Variants in KRTAP3-2 observed in about 807,000 individuals in gnomAD.
KRTAP3-2 encodes keratin associated protein 3-2, also known as keratin-associated protein 3-2.
In KRTAP3-2, 2 loss-of-function variants were observed where a neutral mutation model predicts 5.4. The observed-to-expected ratio is 0.37, with a 90% CI of 0.15 to 1.17. KRTAP3-2 has a LOEUF of 1.17. KRTAP3-2 is among the 50% of genes most tolerant of loss of function. KRTAP3-2 has a pLI of 0.37. For missense variants in KRTAP3-2, 113 were observed against 122.0 expected, an observed-to-expected ratio of 0.93 and a Z score of 0.35; for synonymous variants, 49 against 48.0, an observed-to-expected ratio of 1.02 and a Z score of -0.08.
In KRTAP3-2 at chr17:40,999,261, A is replaced by G; in HGVS notation, c.*296T>C. On this transcript the variant is annotated 3_prime_UTR_variant, in exon 1 of 1. Coordinates refer to ENST00000391587, the MANE Select transcript of KRTAP3-2 (RefSeq NM_031959.3). ...TTCTTCTATGAAAATACCCAGTACA[A>G]GAAACAAGAGCCAGGAAGCAATATG... The G allele has an allele frequency of 2.6e-6, 1 of 388,006 alleles. No individual in the cohort carries two copies. The allele number at this position is 388,006 out of a possible 1,614,324, so 24.0% of individuals were successfully genotyped here.
chr17:40,999,898 C>T lies in KRTAP3-2; in HGVS notation c.-45G>A, dbSNP rs1161263668. The T allele has an allele frequency of 1.9e-6, 3 of 1,606,610 alleles. No individual in the cohort carries two copies. On this transcript the variant is annotated 5_prime_UTR_variant, in exon 1 of 1. Coordinates refer to ENST00000391587, the MANE Select transcript of KRTAP3-2 (RefSeq NM_031959.3). ...GCTTTCAGTTTCTTAGATGAGGATTCTGAGGTACAAATGTCTCCTCTTTTG... is the reference window on the plus strand; with the variant it reads ...GCTTTCAGTTTCTTAGATGAGGATTTTGAGGTACAAATGTCTCCTCTTTTG...
In KRTAP3-2 at chr17:40,999,418, C is replaced by T; in HGVS notation, c.*139G>A. 1 of 1,270,904 alleles carries T rather than the reference C, an allele frequency of 7.9e-7. No homozygotes were observed. Among genetic ancestry groups the T allele is most frequent in the Non-Finnish European group, 1.1e-6 (1 of 931,230 alleles). The allele number at this position is 1,270,904 out of a possible 1,614,324, so 78.7% of individuals were successfully genotyped here. A position where few individuals can be genotyped will look rare whatever the true frequency, so the allele number is the denominator to read the frequency against. ...AAAAAATACTTTTCTTTTTTTCCCC[C>T]ATTAAAACCAAAGGTAAGTTCTTCA... On this transcript the variant is annotated 3_prime_UTR_variant, in exon 1 of 1. Transcript: ENST00000391587.
At position 40,999,730 on chromosome 17, in the gene KRTAP3-2, AC is replaced by A. The variant is rs747676379; in HGVS notation, c.123del (p.Trp41CysfsTer84). 1.2e-6 allele frequency: 2 copies of A among 1,613,946 alleles called. No individual in the cohort carries two copies. Among genetic ancestry groups the A allele is most frequent in the Non-Finnish European group, 1.7e-6 (2 of 1,180,022 alleles). ...TTGTCACAGCAGATGGGCTCCAGTA[AC>A]CAAACTGTGTGTGGGCAGGTGCTGG... ...CLPSTCPHTVWLLEPICCDNC... is the reference protein window; with the variant it reads ...CLPSTCPHTVXLLEPICCDNC... On this transcript the variant is annotated frameshift_variant, in exon 1 of 1. Coordinates refer to ENST00000391587, the MANE Select transcript of KRTAP3-2 (RefSeq NM_031959.3). LOFTEE classifies it high-confidence loss of function.
At position 40,999,630 on chromosome 17, in the gene KRTAP3-2, G is replaced by A. The variant is rs3813049; in HGVS notation, c.224C>T (p.Pro75Leu). 509 of 1,613,898 alleles carry A rather than the reference G, an allele frequency of 3.2e-4. 7 individuals are homozygous for A. In the East Asian group the frequency reaches 0.01, roughly 33 times the overall value. ...CFLLNSCQPT[P>L]GLETLNLTTF... Reference sequence around the variant, plus strand: ...GGTGAGGTTGAGGGTCTCCAGGCCCGGAGTTGGCTGGCAGGAGTTGAGCAG... The same window carrying A: ...GGTGAGGTTGAGGGTCTCCAGGCCCAGAGTTGGCTGGCAGGAGTTGAGCAG... Residue 75 changes from proline (P) to leucine (L), a missense_variant, in exon 1 of 1, where the codon CCG becomes CTG. By Grantham distance (98) the Pro-to-Leu change is moderately conservative (BLOSUM62 -3). Coordinates refer to ENST00000391587, the MANE Select transcript of KRTAP3-2 (RefSeq NM_031959.3).
chr17:40,999,723 T>C lies in KRTAP3-2; in HGVS notation c.131A>G (p.Glu44Gly), dbSNP rs756540519. The change falls in exon 1 of 1, where the codon GAG (glutamate) becomes GGG (glycine). Residue 44 changes from glutamate to glycine, a missense_variant. Transcript: ENST00000391587. ...STCPHTVWLL[E>G]PICCDNCPPP... ...GGGACAGTTGTCACAGCAGATGGGC[T>C]CCAGTAACCAAACTGTGTGTGGGCA... 32 of 1,613,874 alleles carry C rather than the reference T, an allele frequency of 2.0e-5. No homozygotes were observed. The highest frequency in any genetic ancestry group is 2.7e-5 in the African/African-American group (2 of 74,774).
chr17:40,999,427 C>A lies in KRTAP3-2; in HGVS notation c.*130G>T. The A allele has an allele frequency of 3.7e-6, 5 of 1,340,444 alleles. No individual in the cohort carries two copies. The highest frequency in any genetic ancestry group is 3.2e-5 in the South Asian group (2 of 62,980). 83.0% of individuals were successfully genotyped at this position (1,340,444 alleles called of 1,614,324 possible). On this transcript the variant is annotated 3_prime_UTR_variant, in exon 1 of 1. Transcript: ENST00000391587. ...TTTTCTTTTTTTCCCCCATTAAAACCAAAGGTAAGTTCTTCATATCTGGGT... is the reference window on the plus strand; with the variant it reads ...TTTTCTTTTTTTCCCCCATTAAAACAAAAGGTAAGTTCTTCATATCTGGGT...
chr17:40,999,569 TG>T lies in KRTAP3-2; in HGVS notation c.284del (p.Pro95GlnfsTer30), dbSNP rs1567872985. 4 of 1,613,784 alleles carry T rather than the reference TG, an allele frequency of 2.5e-6. No individual in the cohort carries two copies. The East Asian group carries it at 6.7e-5, about 27-fold the overall frequency. On this transcript the variant is annotated frameshift_variant, in exon 1 of 1. Transcript: ENST00000391587. LOFTEE classifies it high-confidence loss of function. ...AAGTAGCCATCCATCAGCAGCCTCT[TG>T]GGAGGCAGGGCTCACAGCAGGGCTG... ...FTQPCCEPCL[P>X]RGC
Position 40,999,532 on chromosome 17 carries a change from G to A in KRTAP3-2, c.*25C>T, listed in dbSNP as rs553850168. 71 of 1,610,116 alleles carry A rather than the reference G, an allele frequency of 4.4e-5. No homozygotes were observed. The South Asian group carries it at 6.2e-4, about 14-fold the overall frequency. On this transcript the variant is annotated 3_prime_UTR_variant, in exon 1 of 1. Coordinates refer to ENST00000391587, the MANE Select transcript of KRTAP3-2 (RefSeq NM_031959.3). ...GACAGCTTCTGGATTCTTCGTTGTC[G>A]GGCACTGAGCAAAGTAGCCATCCAT...
Position 40,999,763 on chromosome 17 carries a change from A to G in KRTAP3-2, c.91T>C (p.Cys31Arg). The G allele has an allele frequency of 1.2e-6, 2 of 1,614,082 alleles. No homozygotes were observed. The highest frequency in any genetic ancestry group is 1.1e-5 in the South Asian group (1 of 91,068). ...GTGTGTGGGCAGGTGCTGGGCAGGC[A>G]GACTCCACAGCGGCAGGATTTGTCG... Reference protein sequence around the residue: ...SSDKSCRCGVCLPSTCPHTVW... With the variant: ...SSDKSCRCGVRLPSTCPHTVW... The change falls in exon 1 of 1, where the codon TGC becomes CGC. Residue 31 changes from cysteine (C) to arginine (R), a missense_variant. By Grantham distance (180) the Cys-to-Arg change is radical. Coordinates refer to ENST00000391587, the MANE Select transcript of KRTAP3-2 (RefSeq NM_031959.3).
chr17:40,999,447 C>T lies in KRTAP3-2; in HGVS notation c.*110G>A. The T allele has an allele frequency of 6.9e-7, 1 of 1,450,774 alleles. No individual in the cohort carries two copies. The allele number at this position is 1,450,774 out of a possible 1,614,324, so 89.9% of individuals were successfully genotyped here. On this transcript the variant is annotated 3_prime_UTR_variant, in exon 1 of 1. Transcript: ENST00000391587. ...AAAACCAAAGGTAAGTTCTTCATATCTGGGTCATCTGGTCTACCTTAACAT... is the reference window on the plus strand; with the variant it reads ...AAAACCAAAGGTAAGTTCTTCATATTTGGGTCATCTGGTCTACCTTAACAT...
chr17:40,999,200 A>G lies in KRTAP3-2; in HGVS notation c.*357T>C. The G allele has an allele frequency of 4.1e-6, 1 of 241,470 alleles. No homozygotes were observed. Among genetic ancestry groups the G allele is most frequent in the Non-Finnish European group, 7.9e-6 (1 of 126,038 alleles). 15.0% of individuals were successfully genotyped at this position (241,470 alleles called of 1,614,324 possible). ...ATAAACAAATGACACATCTTGCCAG[A>G]GAAATATAGTTTATTGGAAAACCCA... is the stretch of plus-strand genomic sequence containing the variant. On this transcript the variant is annotated 3_prime_UTR_variant, in exon 1 of 1. Transcript: ENST00000391587.
Position 40,999,641 on chromosome 17 carries a change from G to A in KRTAP3-2, c.213C>T (p.Cys71=), listed in dbSNP as rs1452063765. ...GGGTCTCCAGGCCCGGAGTTGGCTG[G>A]CAGGAGTTGAGCAGGAAGCAGGTGG... ...CVPTCFLLNS[C]QPTPGLETLN... is the part of the protein sequence containing the mutation. Residue 71 remains cysteine (C), a synonymous_variant, in exon 1 of 1, where the codon TGC becomes TGT. Transcript: ENST00000391587. 3 of 1,613,880 alleles carry A rather than the reference G, an allele frequency of 1.9e-6. No individual in the cohort carries two copies. In the African/African-American group the frequency reaches 4.0e-5, roughly 22 times the overall value.
chr17:40,999,396 A>G lies in KRTAP3-2; in HGVS notation c.*161T>C. The G allele has an allele frequency of 1.8e-6, 2 of 1,130,568 alleles. No homozygotes were observed. Among genetic ancestry groups the G allele is most frequent in the East Asian group, 2.6e-5 (1 of 38,784 alleles). The allele number at this position is 1,130,568 out of a possible 1,614,324, so 70.0% of individuals were successfully genotyped here. A position where few individuals can be genotyped will look rare whatever the true frequency, so the allele number is the denominator to read the frequency against. ...GGTTTTTCAGCTAAATAACCATAAA[A>G]AATACTTTTCTTTTTTTCCCCCATT... On this transcript the variant is annotated 3_prime_UTR_variant, in exon 1 of 1. Coordinates refer to ENST00000391587, the MANE Select transcript of KRTAP3-2 (RefSeq NM_031959.3).
In KRTAP3-2 at chr17:40,999,334, C is replaced by T. The variant is rs575606166; in HGVS notation, c.*223G>A. The T allele has an allele frequency of 9.7e-6, 6 of 619,200 alleles. No individual in the cohort carries two copies. Among genetic ancestry groups the T allele is most frequent in the South Asian group, 5.0e-5 (2 of 40,002 alleles). 38.4% of individuals were successfully genotyped at this position (619,200 alleles called of 1,614,324 possible). ...TCTTAAAGATTGAAACAGTATTTTG[C>T]TAATAAAACTCATTCACCTGCCCAC... On this transcript the variant is annotated 3_prime_UTR_variant, in exon 1 of 1. Transcript: ENST00000391587.
rs746395422 is a variant in KRTAP3-2 at position 40,999,685 on chromosome 17, T to C, written c.169A>G (p.Ile57Val). ...CAGGTGGGCACGCAGGGCTGAGGAA[T>C]GTGGCAGGGTGGGGGACAGTTGTCA... Reference protein sequence around the residue: ...CCDNCPPPCHIPQPCVPTCFL... With the variant: ...CCDNCPPPCHVPQPCVPTCFL... Residue 57 changes from isoleucine (I) to valine (V), a missense_variant, in exon 1 of 1, where the codon ATT becomes GTT. Coordinates refer to ENST00000391587, the MANE Select transcript of KRTAP3-2 (RefSeq NM_031959.3). 9.3e-6 allele frequency: 15 copies of C among 1,613,736 alleles called. No individual in the cohort carries two copies. In the East Asian group the frequency reaches 2.0e-4, roughly 22 times the overall value.
Position 40,999,795 on chromosome 17 carries a change from C to G in KRTAP3-2, c.59G>C (p.Cys20Ser). Residue 20 changes from cysteine to serine, a missense_variant, in exon 1 of 1, where the codon TGC (cysteine) becomes TCC (serine). By Grantham distance (112) the Cys-to-Ser change is moderately radical (BLOSUM62 -1). Coordinates refer to ENST00000391587, the MANE Select transcript of KRTAP3-2 (RefSeq NM_031959.3). ...ACAGCGGCAGGATTTGTCGGAGGAGCAGATGGTGGTGGCAGGCCCAGTGGG... is the reference window on the plus strand; with the variant it reads ...ACAGCGGCAGGATTTGTCGGAGGAGGAGATGGTGGTGGCAGGCCCAGTGGG... ...SVPTGPATTI[C>S]SSDKSCRCGV... is the part of the protein sequence containing the mutation. 9 of 1,614,144 alleles carry G rather than the reference C, an allele frequency of 5.6e-6. No individual in the cohort carries two copies. Among genetic ancestry groups the G allele is most frequent in the Non-Finnish European group, 6.8e-6 (8 of 1,180,042 alleles).
In KRTAP3-2 at chr17:40,999,428, A is replaced by G. The variant is rs929508051; in HGVS notation, c.*129T>C. 1.5e-6 allele frequency: 2 copies of G among 1,354,396 alleles called. No homozygotes were observed. The highest frequency in any genetic ancestry group is 2.9e-5 in the African/African-American group (2 of 68,682). 83.9% of individuals were successfully genotyped at this position (1,354,396 alleles called of 1,614,324 possible). On this transcript the variant is annotated 3_prime_UTR_variant, in exon 1 of 1. Coordinates refer to ENST00000391587, the MANE Select transcript of KRTAP3-2 (RefSeq NM_031959.3). Reference sequence around the variant, plus strand: ...TTTCTTTTTTTCCCCCATTAAAACCAAAGGTAAGTTCTTCATATCTGGGTC... The same window carrying G: ...TTTCTTTTTTTCCCCCATTAAAACCGAAGGTAAGTTCTTCATATCTGGGTC...
chr17:40,999,580 G>T lies in KRTAP3-2; in HGVS notation c.274C>A (p.Pro92Thr). Residue 92 changes from proline to threonine, a missense_variant, in exon 1 of 1, where the codon CCC (proline) becomes ACC (threonine). Transcript: ENST00000391587. ...CATCAGCAGCCTCTTGGGAGGCAGG[G>T]CTCACAGCAGGGCTGAGTGAAGGTG... ...LTTFTQPCCE[P>T]CLPRGC 1 of 1,613,996 alleles carries T rather than the reference G, an allele frequency of 6.2e-7. No individual in the cohort carries two copies. The highest frequency in any genetic ancestry group is 1.1e-5 in the South Asian group (1 of 91,044).
Position 40,999,253 on chromosome 17 carries a change from C to A in KRTAP3-2, c.*304G>T. ...AAGAAATTTTCTTCTATGAAAATAC[C>A]CAGTACAAGAAACAAGAGCCAGGAA... On this transcript the variant is annotated 3_prime_UTR_variant, in exon 1 of 1. Transcript: ENST00000391587. 2 of 343,406 alleles carry A rather than the reference C, an allele frequency of 5.8e-6. No individual in the cohort carries two copies. Among genetic ancestry groups the A allele is most frequent in the East Asian group, 4.7e-5 (1 of 21,198 alleles). 21.3% of individuals were successfully genotyped at this position (343,406 alleles called of 1,614,324 possible).
Sources: gnomAD v4.1 joint callset for allele counts on GRCh38, gnomAD v4.1.1 for gene constraint, MANE v1.5 for transcripts, NCBI Gene and HGNC (gene_info 2026-07-23, HGNC 2026-07-21) for gene names.